Variants in ZMIZ1 observed in about 807,000 individuals in gnomAD.
ZMIZ1 encodes zinc finger MIZ domain-containing protein 1.
Under a neutral mutation model 113.9 loss-of-function variants are expected in ZMIZ1, and 17 were observed. That is an observed-to-expected ratio of 0.15 (90% CI 0.10 to 0.22). ZMIZ1 has a LOEUF of 0.22. ZMIZ1 is among the 10% of genes least tolerant of loss of function. The pLI is 1.00. For missense variants in ZMIZ1, 1,059 were observed against 1,477.8 expected, an observed-to-expected ratio of 0.72 and a Z score of 4.65; for synonymous variants, 607 against 603.1, an observed-to-expected ratio of 1.01 and a Z score of -0.09.
intron 7 of ZMIZ1, among the ~76,000 whole-genome samples, chr10:79,259,215 G>A (rs1851104963): frequency 6.6e-6 from 1 of 152,120 alleles, no homozygotes; most frequent in African/African-American, 2.4e-5. Flanking sequence ...TTCTTGCTTG[G>A]TTATCTCTGC....
chr10:79,209,522 C>A (rs1848457491), intron 6 of ZMIZ1, among the ~76,000 whole-genome samples: 1 of 152,230 alleles, frequency 6.6e-6, no homozygotes, highest in African/African-American at 2.4e-5. Context: ...GCAGGGGAGC[C>A]CGCCTATCCT....
chr10:79,074,291 G>A (rs1344591329), intron 1 of ZMIZ1, among the ~76,000 whole-genome samples: 1 of 152,144 alleles, frequency 6.6e-6, no homozygotes, highest in East Asian at 1.9e-4. Context: ...AGCCAGGCTC[G>A]GACACGGTGC....
intron 4 of ZMIZ1, among the ~76,000 whole-genome samples, chr10:79,180,442 C>T (rs1847069574): frequency 6.6e-6 from 1 of 152,198 alleles, no homozygotes; most frequent in African/African-American, 2.4e-5. Flanking sequence ...CAAAATGAAC[C>T]CTCCTTTTTC....
In ZMIZ1 at chr10:79,074,921, C is replaced by T. The variant is rs371329196; in HGVS notation, c.-337+5651C>T. ...GGCCCCAGGCCCTGCCTGTCAGGCC[C>T]AGCTGCCGGAGTTACTGCAGGATTG... On this transcript the variant is annotated intron_variant, in intron 1 of 24. Transcript: ENST00000334512. 1.3e-4 allele frequency among the ~76,000 whole-genome samples: 20 copies of T among 152,356 alleles called. No individual in the cohort carries two copies. The East Asian group carries it at 3.3e-3, about 25-fold the overall frequency.
rs1370777762 is a variant in ZMIZ1, at chr10:79,314,085, C to T, written c.*1336C>T. ...AGCCTACCCTGCCTGCACTCCTCCA[C>T]CATCACAATCTCACCCAAACTCCTG... is the stretch of plus-strand genomic sequence containing the variant. On this transcript the variant is annotated 3_prime_UTR_variant, in exon 25 of 25. Coordinates refer to ENST00000334512, the MANE Select transcript of ZMIZ1 (RefSeq NM_020338.4). 1 of 456,970 alleles carries T rather than the reference C, an allele frequency of 2.2e-6. No homozygotes were observed. The highest frequency in any genetic ancestry group is 4.4e-6 in the Non-Finnish European group (1 of 226,996). The allele number at this position is 456,970 out of a possible 1,614,324, so 28.3% of individuals were successfully genotyped here.
chr10:79,291,364 G>A (rs1853483777), intron 10 of ZMIZ1, among the ~76,000 whole-genome samples, 188 bp downstream of exon 10: 1 of 152,292 alleles, frequency 6.6e-6, no homozygotes, highest in African/African-American at 2.4e-5. Context: ...AGGCGCTGCA[G>A]CAGTTGGCCT....
intron 7 of ZMIZ1, among the ~76,000 whole-genome samples, chr10:79,238,233 T>C (rs990480348): frequency 3.9e-5 from 6 of 152,210 alleles, no homozygotes; most frequent in African/African-American, 1.4e-4. Flanking sequence ...GTAGAACTTC[T>C]CGGAGGTACT....
At chr10:79,228,762 AG>A (rs1247682696) in intron 7 of ZMIZ1, among the ~76,000 whole-genome samples, 1 of 152,174 alleles carries the variant, frequency 6.6e-6, no homozygotes, top group Non-Finnish European at 1.5e-5. Context: ...GGCTAGTCTC[AG>A]GCTATGTAGA....
chr10:79,258,614 G>A (rs1851064697), intron 7 of ZMIZ1, among the ~76,000 whole-genome samples: 1 of 152,214 alleles, frequency 6.6e-6, no homozygotes, highest in Non-Finnish European at 1.5e-5. Context: ...TGATTGTCAT[G>A]CGTAGGGTCT....
chr10:79,130,912 A>G (rs1190893234), intron 2 of ZMIZ1, among the ~76,000 whole-genome samples: 2 of 152,278 alleles, frequency 1.3e-5, no homozygotes, highest in Non-Finnish European at 2.9e-5. Flanking sequence ...GGGCCCTCCC[A>G]GTTCTTTGAA....
At chr10:79,136,903 A>G (rs1432894336) in intron 2 of ZMIZ1, among the ~76,000 whole-genome samples, 2 of 152,122 alleles carry the variant, frequency 1.3e-5, no homozygotes, top group African/African-American at 4.8e-5. Flanking sequence ...GCTGGGAGCT[A>G]TAGAGTGTTC....
rs1174980856 is a variant in ZMIZ1 at position 79,165,948 on chromosome 10, C to CTGTGTG, written c.-50+3864_-50+3869dup. On this transcript the variant is annotated intron_variant, in intron 4 of 24. Transcript: ENST00000334512. The stretch of plus-strand genomic sequence containing the variant: ...CCTTGGCCTCCAAGCCCCAGCTCAG[C>CTGTGTG]TGTGTGTGTGTGTGTGTGTGTGTGT... Among the ~76,000 whole-genome samples the CTGTGTG allele has an allele frequency of 6.4e-3, 384 of 59,812 alleles. 5 individuals carry two copies. The highest frequency in any genetic ancestry group is 0.018 in the East Asian group (43 of 2,376). 39.2% of individuals were successfully genotyped at this position (59,812 alleles called of 152,430 possible). A position where few individuals can be genotyped will look rare whatever the true frequency, so the allele number is the denominator to read the frequency against.
At chr10:79,151,999 G>A (rs1845732899) in intron 3 of ZMIZ1, among the ~76,000 whole-genome samples, 1 of 152,226 alleles carries the variant, frequency 6.6e-6, no homozygotes, top group Non-Finnish European at 1.5e-5. Flanking sequence ...CCAGGTGATG[G>A]TGCTCTGCTC....
chr10:79,269,501 C>G (rs1469275065), intron 7 of ZMIZ1, among the ~76,000 whole-genome samples: 1 of 120,270 alleles, frequency 8.3e-6, no homozygotes. Context: ...TTTCTCTGTT[C>G]TCCAGCAGCC....
intron 1 of ZMIZ1, among the ~76,000 whole-genome samples, chr10:79,084,262 C>T (rs1425676529): frequency 6.6e-6 from 1 of 152,244 alleles, no homozygotes; most frequent in Non-Finnish European, 1.5e-5. Context: ...CTACTCCTCT[C>T]CCTCCCACAC....
At chr10:79,206,119 A>T (rs983876916) in intron 5 of ZMIZ1, among the ~76,000 whole-genome samples, 1 of 151,898 alleles carries the variant, frequency 6.6e-6, no homozygotes. Context: ...AAAAAAAAAA[A>T]AGCCAGCAAA....
chr10:79,307,333 C>T, intron 22 of ZMIZ1, 72 bp from the exon 23 acceptor site: 2 of 1,472,610 alleles, frequency 1.4e-6, no homozygotes, highest in Non-Finnish European at 1.9e-6. Context: ...TTTTTACACA[C>T]TCTCTGTTCC....
intron 4 of ZMIZ1, among the ~76,000 whole-genome samples, chr10:79,190,066 G>T (rs1406954126): frequency 6.6e-6 from 1 of 152,230 alleles, no homozygotes; most frequent in Non-Finnish European, 1.5e-5. Context: ...AGGGATGCTA[G>T]AAATCTCCAT....
At chr10:79,114,905 G>A (rs1286441146) in intron 1 of ZMIZ1, among the ~76,000 whole-genome samples, 1 of 152,202 alleles carries the variant, frequency 6.6e-6, no homozygotes, top group Non-Finnish European at 1.5e-5. Flanking sequence ...GGACCTGGAG[G>A]GTCATCTGCC....
Sources: gnomAD v4.1 joint callset for allele counts (sites outside exome capture counted in the v4.1 genomes callset) on GRCh38, gnomAD v4.1.1 for gene constraint, MANE v1.5 for transcripts, NCBI Gene and HGNC (gene_info 2026-07-23, HGNC 2026-07-21) for gene names.